DUSP22: variants seen among roughly 807,000 people sequenced by gnomAD.
DUSP22 encodes dual specificity protein phosphatase 22.
In DUSP22, 24 loss-of-function variants were observed where a neutral mutation model predicts 24.5. That is an observed-to-expected ratio of 0.98 (90% CI 0.71 to 1.38). The LOEUF is 1.38. Among genes scored for constraint, DUSP22 ranks in the 40% most tolerant of loss-of-function variants. The probability of loss-of-function intolerance (pLI) is 0.00; values close to 1 mark genes in which losing one functional copy is unlikely to be tolerated. For missense variants in DUSP22, 330 were observed against 269.2 expected (o/e 1.23, Z -1.58); for synonymous variants, 160 against 106.4 (o/e 1.50, Z -3.10).
intron 1 of DUSP22, among the ~76,000 whole-genome samples, chr6:302,259 A>G (rs1441863086): frequency 6.6e-6 from 1 of 152,308 alleles, no homozygotes; most frequent in African/African-American, 2.4e-5. Flanking sequence ...TCTTCCTCAC[A>G]GCCCCACACA....
chr6:302,280 C>T (rs569084469), intron 1 of DUSP22, among the ~76,000 whole-genome samples: 20 of 152,424 alleles, frequency 1.3e-4, no homozygotes, highest in South Asian at 6.2e-4. Flanking sequence ...TCTTAGGCGT[C>T]GTATTCCATT....
At chr6:343,367 C>T (rs1759700828) in intron 4 of DUSP22, among the ~76,000 whole-genome samples, 1 of 31,296 alleles carries the variant, frequency 3.2e-5, no homozygotes, top group Non-Finnish European at 5.9e-5. Flanking sequence ...CAGGCCAGTG[C>T]ACAGGCTGGG....
intron 3 of DUSP22, among the ~76,000 whole-genome samples, chr6:332,184 G>T (rs1307367145): frequency 6.6e-6 from 1 of 152,302 alleles, no homozygotes; most frequent in African/African-American, 2.4e-5. Flanking sequence ...CATTGCTGTT[G>T]TCATTCTGTC....
In DUSP22 at chr6:348,855, G is replaced by C. The variant is rs1206203238; in HGVS notation, c.522G>C (p.Glu174Asp). Residue 174 changes from glutamate (E) to aspartate (D), a missense_variant, in exon 7 of 7, where the codon GAG becomes GAC. Transcript: ENST00000419235. Reference sequence around the variant, plus strand: ...AAAACATTCTGGGTAAATATAAGGAGCAAGGGCGCACAGAGCCCCAGCCCG... The same window carrying C: ...AAAACATTCTGGGTAAATATAAGGACCAAGGGCGCACAGAGCCCCAGCCCG... ...EAKNILGKYKEQGRTEPQPGA... is the reference protein window; with the variant it reads ...EAKNILGKYKDQGRTEPQPGA... The C allele has an allele frequency of 6.2e-7, 1 of 1,614,320 alleles. No homozygotes were observed. Among genetic ancestry groups the C allele is most frequent in the Non-Finnish European group, 8.5e-7 (1 of 1,180,062 alleles).
At chr6:310,761 A>C (rs1399672807) in intron 2 of DUSP22, among the ~76,000 whole-genome samples, 1 of 152,306 alleles carries the variant, frequency 6.6e-6, no homozygotes, top group African/African-American at 2.4e-5. Flanking sequence ...CCCTAATATT[A>C]TGTGTCTCAT....
At chr6:341,579 C>T (rs374995740) in intron 4 of DUSP22, among the ~76,000 whole-genome samples, 11 of 152,292 alleles carry the variant, frequency 7.2e-5, no homozygotes, top group Non-Finnish European at 1.2e-4. Flanking sequence ...GGCCTTGTGC[C>T]GAATTGTGTC....
chr6:303,072 A>G (rs1003786963), intron 1 of DUSP22, among the ~76,000 whole-genome samples: 357 of 152,304 alleles, frequency 2.3e-3, no homozygotes, highest in African/African-American at 8.1e-3. Flanking sequence ...GCACTGCCAG[A>G]CAGAAGAGCC....
intron 4 of DUSP22, among the ~76,000 whole-genome samples, chr6:344,899 C>T (rs1414454832): frequency 2.6e-5 from 4 of 152,426 alleles, no homozygotes; most frequent in South Asian, 2.1e-4. Flanking sequence ...TCCTCACCTG[C>T]GTCACGGTGG....
At chr6:322,637 C>G (rs796091790) in intron 3 of DUSP22, among the ~76,000 whole-genome samples, 45 of 152,400 alleles carry the variant, frequency 3.0e-4, no homozygotes, top group African/African-American at 1.0e-3. Flanking sequence ...AGAAGACAGG[C>G]TTAGGTTGGT....
At chr6:344,607 T>C (rs1307012511) in intron 4 of DUSP22, among the ~76,000 whole-genome samples, 1 of 152,302 alleles carries the variant, frequency 6.6e-6, no homozygotes, top group Non-Finnish European at 1.5e-5. Context: ...GACTTCAGAG[T>C]TTGCAGAGCA....
chr6:346,687 T>C (rs950462872), intron 5 of DUSP22, among the ~76,000 whole-genome samples: 4 of 152,302 alleles, frequency 2.6e-5, no homozygotes, highest in Non-Finnish European at 5.9e-5. Flanking sequence ...CCTCTCTGTC[T>C]TGAATGAAGT....
chr6:306,620 A>G (rs1757823957), intron 2 of DUSP22, among the ~76,000 whole-genome samples: 1 of 152,310 alleles, frequency 6.6e-6, no homozygotes, highest in South Asian at 2.1e-4. Context: ...AACGCTTTCC[A>G]GGTACAAGGC....
intron 3 of DUSP22, among the ~76,000 whole-genome samples, chr6:314,899 G>A (rs1169552322): frequency 6.6e-6 from 1 of 152,302 alleles, no homozygotes; most frequent in Non-Finnish European, 1.5e-5. Context: ...GTAATTTGTT[G>A]GGGGTTGGGG....
At chr6:335,502 A>G (rs1448869211) in intron 4 of DUSP22, among the ~76,000 whole-genome samples, 1 of 152,306 alleles carries the variant, frequency 6.6e-6, no homozygotes, top group African/African-American at 2.4e-5. Context: ...GGTTCTGTCT[A>G]AAGCAGCGCT....
intron 4 of DUSP22, chr6:337,303 C>T (rs1759400015): frequency 6.6e-6 from 1 of 152,478 alleles, no homozygotes; most frequent in African/African-American, 2.4e-5. Flanking sequence ...AATGCCTGCC[C>T]TCAGGGTTTT....
chr6:323,095 T>C (rs529447791), intron 3 of DUSP22, among the ~76,000 whole-genome samples: 4 of 152,428 alleles, frequency 2.6e-5, no homozygotes, highest in East Asian at 3.8e-4. Context: ...TCCAATCTTA[T>C]TTTAAAACTC....
At chr6:345,615 A>C (rs868534897) in intron 4 of DUSP22, among the ~76,000 whole-genome samples, 18 of 152,424 alleles carry the variant, frequency 1.2e-4, no homozygotes, top group Admixed American at 7.2e-4. Context: ...TTATCACTAC[A>C]AAGTGATAAA....
chr6:312,053 C>T (rs1278494791), intron 3 of DUSP22, 91 bp downstream of exon 3: 8 of 1,337,028 alleles, frequency 6.0e-6, no homozygotes, highest in Non-Finnish European at 7.3e-6. Flanking sequence ...AGGTTCTCTC[C>T]AATGCGAACG....
rs1410515991 is a variant in DUSP22, at chr6:349,213, G to A, written c.*262G>A. The A allele has an allele frequency of 2.9e-6, 4 of 1,395,778 alleles. No individual in the cohort carries two copies. The highest frequency in any genetic ancestry group is 3.1e-5 in the South Asian group (2 of 63,994). The allele number at this position is 1,395,778 out of a possible 1,614,324, so 86.5% of individuals were successfully genotyped here. A position where few individuals can be genotyped will look rare whatever the true frequency, so the allele number is the denominator to read the frequency against. ...TGCACTGCTCTGTGCACGTGCGTGT[G>A]TGTGAGTGCACTTGTGTGTGGGTGA... On this transcript the variant is annotated 3_prime_UTR_variant, in exon 7 of 7. Transcript: ENST00000419235.
Sources: gnomAD v4.1 joint callset for allele counts (sites outside exome capture counted in the v4.1 genomes callset) on GRCh38, gnomAD v4.1.1 for gene constraint, MANE v1.5 for transcripts, NCBI Gene and HGNC (gene_info 2026-07-23, HGNC 2026-07-21) for gene names.